IRAK3: variants seen among roughly 807,000 people sequenced by gnomAD.
IRAK3 encodes the protein interleukin-1 receptor-associated kinase 3.
IRAK3 carries 57 observed loss-of-function variants against 56.6 expected under a neutral mutation model. That is an observed-to-expected ratio of 1.01 (90% CI 0.81 to 1.26). The LOEUF (loss-of-function observed/expected upper bound fraction) is 1.26, where lower values mean the gene tolerates loss of function less well. Among genes scored for constraint, IRAK3 ranks in the 50% most tolerant of loss-of-function variants. The probability of loss-of-function intolerance (pLI) is 0.00; values close to 1 mark genes in which losing one functional copy is unlikely to be tolerated. For missense variants in IRAK3, 703 were observed against 719.0 expected (o/e 0.98, Z 0.25); for synonymous variants, 258 against 255.7 (o/e 1.01, Z -0.09).
chr12:66,191,034 C>A (rs1342035592), intron 1 of IRAK3, among the ~76,000 whole-genome samples: 1 of 152,162 alleles, frequency 6.6e-6, no homozygotes, highest in African/African-American at 2.4e-5. Context: ...CAAACAAAAG[C>A]TATTTTTTTC....
intron 4 of IRAK3, among the ~76,000 whole-genome samples, 171 bp from the exon 5 acceptor site, chr12:66,211,275 T>G (rs1242392349): frequency 1.4e-4 from 21 of 152,242 alleles, no homozygotes; most frequent in Non-Finnish European, 2.9e-5. Flanking sequence ...TGGTGGGAAC[T>G]AGATCCAAGT....
chr12:66,228,038 T>A (rs1165181529), intron 7 of IRAK3, among the ~76,000 whole-genome samples: 3 of 152,166 alleles, frequency 2.0e-5, no homozygotes, highest in Admixed American at 2.0e-4. Context: ...TATTGAGTAT[T>A]TTCGTTGTCT....
intron 9 of IRAK3, 71 bp downstream of exon 9, chr12:66,244,755 A>C: frequency 7.1e-7 from 1 of 1,398,722 alleles, no homozygotes; most frequent in South Asian, 1.2e-5. Context: ...AGAATTTTTT[A>C]AAGAGTTTTA....
intron 8 of IRAK3, among the ~76,000 whole-genome samples, chr12:66,241,397 C>T (rs947032340): frequency 6.6e-6 from 1 of 152,142 alleles, no homozygotes; most frequent in East Asian, 1.9e-4. Flanking sequence ...CATGATATTG[C>T]CATGACTGTA....
At position 66,203,876 on chromosome 12, in the gene IRAK3, A is replaced by G. The variant is rs1425041261; in HGVS notation, c.299A>G (p.His100Arg). The change falls in exon 2 of 12, where the codon CAT (histidine) becomes CGT (arginine). Residue 100 changes from histidine to arginine, a missense_variant. Coordinates refer to ENST00000261233, the MANE Select transcript of IRAK3 (RefSeq NM_007199.3). ...GAGATGGGACATCGTCGAGCTATTCATTTAATTACAAACTATGGTAAATGC... is the reference window on the plus strand; with the variant it reads ...GAGATGGGACATCGTCGAGCTATTCGTTTAATTACAAACTATGGTAAATGC... ...LQEMGHRRAI[H>R]LITNYGAVLS... 1.2e-6 allele frequency: 2 copies of G among 1,613,416 alleles called. No individual in the cohort carries two copies. The highest frequency in any genetic ancestry group is 1.3e-5 in the African/African-American group (1 of 74,934).
chr12:66,219,479 C>A (rs545439289), intron 6 of IRAK3, among the ~76,000 whole-genome samples: 33 of 152,352 alleles, frequency 2.2e-4, no homozygotes, highest in African/African-American at 7.9e-4. Flanking sequence ...GCATCCCCAG[C>A]CACATGGAAC....
chr12:66,223,582 C>T (rs2052756838), intron 6 of IRAK3, among the ~76,000 whole-genome samples: 1 of 150,438 alleles, frequency 6.6e-6, no homozygotes, highest in Non-Finnish European at 1.5e-5. Flanking sequence ...TGGCGTGAAC[C>T]CAGGAGGCAG....
chr12:66,236,433 T>A (rs986115309), intron 8 of IRAK3, among the ~76,000 whole-genome samples: 5 of 148,250 alleles, frequency 3.4e-5, no homozygotes, highest in African/African-American at 1.2e-4. Context: ...CCAGGCATAG[T>A]GGCTTGTGCT....
intron 2 of IRAK3, among the ~76,000 whole-genome samples, chr12:66,208,254 T>A (rs2052575708): frequency 6.6e-6 from 1 of 152,018 alleles, no homozygotes; most frequent in South Asian, 2.1e-4. Flanking sequence ...ATAAATTACC[T>A]CAGTCCAGAC....
intron 8 of IRAK3, among the ~76,000 whole-genome samples, chr12:66,235,794 TATC>T (rs2052901810): frequency 1.3e-5 from 2 of 152,242 alleles, no homozygotes; most frequent in African/African-American, 2.4e-5. Flanking sequence ...TATACCGAAA[TATC>T]AACAACGTTT....
intron 8 of IRAK3, among the ~76,000 whole-genome samples, chr12:66,235,476 G>A (rs1409500518): frequency 6.6e-6 from 1 of 151,560 alleles, no homozygotes; most frequent in Non-Finnish European, 1.5e-5. Flanking sequence ...CTCCGCACTC[G>A]TCTAAAAGTG....
At chr12:66,204,039 C>A (rs2052534542) in intron 2 of IRAK3, 146 bp downstream of exon 2, 3 of 693,764 alleles carry the variant, frequency 4.3e-6, no homozygotes, top group Non-Finnish European at 7.5e-6. Context: ...AAGGGACTTT[C>A]CAGCTTCACA....
chr12:66,221,530 A>G (rs181399822), intron 6 of IRAK3, among the ~76,000 whole-genome samples: 1 of 152,328 alleles, frequency 6.6e-6, no homozygotes, highest in East Asian at 1.9e-4. Flanking sequence ...ATTGAGATAC[A>G]TTCCTTCTAT....
At chr12:66,223,435 G>A (rs556304960) in intron 6 of IRAK3, among the ~76,000 whole-genome samples, 21 of 151,956 alleles carry the variant, frequency 1.4e-4, no homozygotes, top group South Asian at 6.2e-4. Context: ...CGAGGCAGGC[G>A]GATTATGAGG....
rs1592610208 is a variant in IRAK3, at chr12:66,253,786, T to G, written c.*5615T>G. 1 of 152,126 alleles carries G rather than the reference T, an allele frequency of 6.6e-6. No homozygotes were observed. The highest frequency in any genetic ancestry group is 6.6e-5 in the Admixed American group (1 of 15,248). The allele number at this position is 152,126 out of a possible 1,614,324, so 9.4% of individuals were successfully genotyped here. The stretch of plus-strand genomic sequence containing the variant: ...CACATCTCTTAAGCTTTAAACAACC[T>G]ATTGAGCCGGTTTCCATTTCCTTGA... On this transcript the variant is annotated 3_prime_UTR_variant, in exon 12 of 12. Coordinates refer to ENST00000261233, the MANE Select transcript of IRAK3 (RefSeq NM_007199.3).
chr12:66,209,310 T>C, intron 2 of IRAK3, 146 bp from the exon 3 acceptor site: 1 of 636,728 alleles, frequency 1.6e-6, no homozygotes, highest in Middle Eastern at 4.2e-4. Context: ...AATAATACTT[T>C]CACAAATTTA....
intron 1 of IRAK3, chr12:66,197,975 C>T (rs2136914750): frequency 1.0e-6 from 1 of 985,308 alleles, no homozygotes; most frequent in South Asian, 4.7e-5. Context: ...CTGACATTCC[C>T]TGGGACTTGA....
chr12:66,201,857 A>C (rs1250258209), intron 1 of IRAK3, among the ~76,000 whole-genome samples: 2 of 152,206 alleles, frequency 1.3e-5, no homozygotes, highest in Non-Finnish European at 1.5e-5. Context: ...TCAACAGCTG[A>C]ATCTAACTGT....
At chr12:66,235,555 C>A (rs1470214461) in intron 8 of IRAK3, among the ~76,000 whole-genome samples, 1 of 151,834 alleles carries the variant, frequency 6.6e-6, no homozygotes, top group Non-Finnish European at 1.5e-5. Context: ...GACGGGAGTT[C>A]GCGCGCGGAG....
Sources: allele counts gnomAD v4.1 joint callset (sites outside exome capture counted in the v4.1 genomes callset), GRCh38; gene constraint gnomAD v4.1.1; transcripts MANE v1.5; gene names NCBI Gene and HGNC (gene_info 2026-07-23, HGNC 2026-07-21).